SYNPO2: variants seen among roughly 807,000 people sequenced by gnomAD.
SYNPO2 encodes the protein synaptopodin-2.
In SYNPO2, 56 loss-of-function variants were observed where a neutral mutation model predicts 85.0. The ratio of observed to expected loss-of-function variants is 0.66; its 90% CI spans 0.53 to 0.82. The LOEUF (loss-of-function observed/expected upper bound fraction) is 0.82. Ranked by LOEUF, SYNPO2 falls within the 40% of genes least tolerant of loss-of-function variation. SYNPO2 has a pLI of 0.00. For synonymous variants in SYNPO2, 602 were observed against 591.1 expected (o/e 1.02, Z -0.27); for missense variants, 1,575 against 1,534.2 (o/e 1.03, Z -0.44).
intron 1 of SYNPO2, among the ~76,000 whole-genome samples, chr4:118,907,593 T>A (rs1481427351): frequency 4.6e-5 from 7 of 152,308 alleles, no homozygotes; most frequent in Admixed American, 1.3e-4. Flanking sequence ...TGCCACATCT[T>A]AAAATGCACT....
intron 3 of SYNPO2, 131 bp downstream of exon 3, chr4:119,027,569 C>A (rs1370860448): frequency 9.2e-6 from 8 of 867,324 alleles, no homozygotes; most frequent in African/African-American, 1.7e-5. Flanking sequence ...TTAATTAATG[C>A]ACAAAATCAC....
chr4:119,043,708 T>A (rs183864986), intron 4 of SYNPO2: 1 of 152,136 alleles, frequency 6.6e-6, no homozygotes, highest in Non-Finnish European at 1.5e-5. Context: ...GAAGCTGAGG[T>A]GGGTGGATCA....
In SYNPO2 at chr4:119,031,258, T is replaced by G. The variant is rs1309889968; in HGVS notation, c.2483T>G (p.Phe828Cys). Residue 828 changes from phenylalanine (F) to cysteine (C), a missense_variant, in exon 4 of 5, where the codon TTC becomes TGC. Transcript: ENST00000307142. ...AGTACTTTGAACGTGGCTGGTCCCT[T>G]CAAAGGACCACAAGCAGCAGTAGCC... The part of the protein sequence containing the change: ...PASTLNVAGP[F>C]KGPQAAVASQ... 3 of 1,614,058 alleles carry G rather than the reference T, an allele frequency of 1.9e-6. No homozygotes were observed. In the Admixed American group the frequency reaches 5.0e-5, roughly 27 times the overall value.
intron 1 of SYNPO2, among the ~76,000 whole-genome samples, chr4:118,957,740 T>C (rs1263871997): frequency 2.0e-5 from 3 of 152,150 alleles, no homozygotes. Flanking sequence ...AGCTCTTCCA[T>C]CTCCACTAAT....
Position 118,984,283 on chromosome 4 carries a change from C to A in SYNPO2, c.106-39147C>A, listed in dbSNP as rs1004180652. On this transcript the variant is annotated intron_variant, in intron 1 of 4. Transcript: ENST00000307142. ...AGAGAAAATTTACATTATGTACCAT[C>A]TTGTTCCTTTAAAATGCTGTGCCTT... 1.2e-4 allele frequency among the ~76,000 whole-genome samples: 18 copies of A among 152,148 alleles called. 1 individual carries two copies. Among genetic ancestry groups the A allele is most frequent in the Non-Finnish European group, 2.1e-4 (14 of 68,032 alleles).
At chr4:118,987,815 A>G (rs1353947653) in intron 1 of SYNPO2, among the ~76,000 whole-genome samples, 1 of 152,140 alleles carries the variant, frequency 6.6e-6, no homozygotes, top group Non-Finnish European at 1.5e-5. Flanking sequence ...TTTTATAATC[A>G]CCTACTCTAT....
At chr4:118,955,466 C>T (rs966873004) in intron 1 of SYNPO2, among the ~76,000 whole-genome samples, 8 of 152,172 alleles carry the variant, frequency 5.3e-5, no homozygotes, top group African/African-American at 1.9e-4. Flanking sequence ...ATAGAGTATG[C>T]ATTTCCCCTA....
intron 1 of SYNPO2, among the ~76,000 whole-genome samples, chr4:118,882,818 G>A (rs1321421562): frequency 6.6e-6 from 1 of 151,356 alleles, no homozygotes; most frequent in African/African-American, 2.4e-5. Context: ...CGCCCAGGCT[G>A]AAGTGCAATG....
At chr4:118,868,401 T>C (rs918545339) in intron 1 of SYNPO2, among the ~76,000 whole-genome samples, 14 of 152,170 alleles carry the variant, frequency 9.2e-5, no homozygotes, top group African/African-American at 3.4e-4. Context: ...TGTAGGTTAA[T>C]GGATGCCTTT....
At chr4:119,023,404 A>T in intron 1 of SYNPO2, 26 bp from the exon 2 acceptor site, 1 of 1,586,102 alleles carries the variant, frequency 6.3e-7, no homozygotes, top group Non-Finnish European at 8.6e-7. Context: ...TCATTCTACT[A>T]TGTCTTCTTT....
At chr4:118,987,763 A>G (rs1034302385) in intron 1 of SYNPO2, among the ~76,000 whole-genome samples, 1 of 152,128 alleles carries the variant, frequency 6.6e-6, no homozygotes, top group South Asian at 2.1e-4. Context: ...GTATATTAGC[A>G]GTGTTATTAC....
intron 1 of SYNPO2, among the ~76,000 whole-genome samples, chr4:118,928,229 G>T (rs1428145364): frequency 1.3e-5 from 2 of 152,174 alleles, no homozygotes; most frequent in African/African-American, 4.8e-5. Context: ...TATGGCAAGA[G>T]GTTTGTTTGT....
At chr4:119,005,503 G>T (rs917271726) in intron 1 of SYNPO2, among the ~76,000 whole-genome samples, 12 of 130,346 alleles carry the variant, frequency 9.2e-5, no homozygotes, top group African/African-American at 3.1e-4. Flanking sequence ...CCCATTTCTT[G>T]TTTTTGTCAG....
chr4:119,037,415 G>A, intron 4 of SYNPO2: 3 of 1,175,734 alleles, frequency 2.6e-6, no homozygotes, highest in Non-Finnish European at 3.2e-6. Flanking sequence ...AGAATAAACA[G>A]AAAAATGTTC....
At position 118,890,731 on chromosome 4, in the gene SYNPO2, C is replaced by CTGTGTG. The variant is rs1459421038; in HGVS notation, c.105+1591_105+1592insGTGTGT. ...TCTCTCTCTCTCTCTCTCTCTCTCT[C>CTGTGTG]TCTGTGTGTGTGTGTGTGTGTGTGT... On this transcript the variant is annotated intron_variant, in intron 1 of 4. Transcript: ENST00000307142. 5.6e-5 allele frequency among the ~76,000 whole-genome samples: 7 copies of CTGTGTG among 125,998 alleles called. No individual in the cohort carries two copies. In the East Asian group the frequency reaches 1.5e-3, roughly 26 times the overall value. The allele number at this position is 125,998 out of a possible 152,430, so 82.7% of individuals were successfully genotyped here. A position where few individuals can be genotyped will look rare whatever the true frequency, so the allele number is the denominator to read the frequency against.
intron 1 of SYNPO2, among the ~76,000 whole-genome samples, chr4:118,894,458 T>C (rs969280899): frequency 6.6e-6 from 1 of 151,876 alleles, no homozygotes; most frequent in African/African-American, 2.4e-5. Flanking sequence ...AGACTAGCAG[T>C]TTATTTCCTG....
intron 1 of SYNPO2, among the ~76,000 whole-genome samples, chr4:118,986,445 G>A (rs951918805): frequency 6.6e-6 from 1 of 152,166 alleles, no homozygotes; most frequent in African/African-American, 2.4e-5. Context: ...AATGTTCTTT[G>A]GGTTAGGTCA....
intron 2 of SYNPO2, 71 bp downstream of exon 2, chr4:119,023,652 T>G: frequency 6.9e-7 from 1 of 1,445,694 alleles, no homozygotes; most frequent in Non-Finnish European, 9.2e-7. Flanking sequence ...TTTTACTACA[T>G]ATATAACTTG....
At chr4:118,953,645 A>T (rs966155454) in intron 1 of SYNPO2, among the ~76,000 whole-genome samples, 1 of 151,808 alleles carries the variant, frequency 6.6e-6, no homozygotes, top group African/African-American at 2.4e-5. Context: ...TGCACACACC[A>T]TGAGGCTTTC....
Sources: gnomAD v4.1 joint callset for allele counts (sites outside exome capture counted in the v4.1 genomes callset) on GRCh38, gnomAD v4.1.1 for gene constraint, MANE v1.5 for transcripts, NCBI Gene and HGNC (gene_info 2026-07-23, HGNC 2026-07-21) for gene names.